The following CNTNAP2 variants were observed in gnomAD, a reference collection of about 807,000 sequenced individuals.
CNTNAP2 encodes contactin-associated protein-like 2.
In CNTNAP2, 98 loss-of-function variants were observed where a neutral mutation model predicts 155.2. That is an observed-to-expected ratio of 0.63 (90% CI 0.54 to 0.75). The LOEUF (loss-of-function observed/expected upper bound fraction) is 0.75, where lower values mean the gene tolerates loss of function less well. Among genes scored for constraint, CNTNAP2 ranks in the 30% least tolerant of loss-of-function variants. The pLI is 0.00. For synonymous variants in CNTNAP2, 651 were observed against 631.2 expected (o/e 1.03, Z -0.47); for missense variants, 1,727 against 1,688.1 (o/e 1.02, Z -0.40).
chr7:147,863,238 G>T (rs778055316), intron 13 of CNTNAP2, among the ~76,000 whole-genome samples: 6 of 152,008 alleles, frequency 3.9e-5, no homozygotes, highest in Non-Finnish European at 5.9e-5. Flanking sequence ...GCTTCTCCAC[G>T]GCCCTGCAAA....
At chr7:147,676,848 T>C (rs1795876391) in intron 13 of CNTNAP2, among the ~76,000 whole-genome samples, 1 of 151,968 alleles carries the variant, frequency 6.6e-6, no homozygotes, top group South Asian at 2.1e-4. Flanking sequence ...GATTTCCTCC[T>C]TTTTCATGGC....
Position 148,206,712 on chromosome 7 carries a change from G to T in CNTNAP2, c.3011-10576G>T, listed in dbSNP as rs144856979. ...ATCAGATCAGGACTCCTGGGAGTTT[G>T]CTCCAGCCATGGTTTTTTCCAAAAA... On this transcript the variant is annotated intron_variant, in intron 18 of 23. Coordinates refer to ENST00000361727, the MANE Select transcript of CNTNAP2 (RefSeq NM_014141.6). Among the ~76,000 whole-genome samples, 409 of 152,306 alleles carry T rather than the reference G, an allele frequency of 2.7e-3. 1 individual carries two copies. Among genetic ancestry groups the T allele is most frequent in the African/African-American group, 9.1e-3 (377 of 41,564 alleles).
At chr7:146,965,004 C>T (rs568985043) in intron 3 of CNTNAP2, among the ~76,000 whole-genome samples, 2 of 152,218 alleles carry the variant, frequency 1.3e-5, no homozygotes, top group Non-Finnish European at 1.5e-5. Flanking sequence ...CTACTCCCCT[C>T]CTGGAGCTTA....
intron 13 of CNTNAP2, among the ~76,000 whole-genome samples, chr7:147,692,685 A>G (rs745347983): frequency 1.3e-5 from 2 of 151,924 alleles, no homozygotes; most frequent in Non-Finnish European, 2.9e-5. Context: ...ACCATTTTTA[A>G]TTGAGTTGTT....
At position 148,128,517 on chromosome 7, in the gene CNTNAP2, A is replaced by G. The variant is rs565708712; in HGVS notation, c.2554+10229A>G. Among the ~76,000 whole-genome samples, 9 of 152,338 alleles carry G rather than the reference A, an allele frequency of 5.9e-5. No homozygotes were observed. The South Asian group carries it at 6.2e-4, about 11-fold the overall frequency. ...TGTGCTATATTAAAGCTTTTCATAT[A>G]ATAGCTTTTTGTTCTTAATAAATAT... On this transcript the variant is annotated intron_variant, in intron 16 of 23. Coordinates refer to ENST00000361727, the MANE Select transcript of CNTNAP2 (RefSeq NM_014141.6).
intron 11 of CNTNAP2, among the ~76,000 whole-genome samples, chr7:147,498,233 A>G (rs1324657303): frequency 6.6e-6 from 1 of 152,106 alleles, no homozygotes; most frequent in African/African-American, 2.4e-5. Flanking sequence ...ATTAGCCACA[A>G]GGCCAGTCAT....
rs116858112 is a variant in CNTNAP2 at position 148,239,753 on chromosome 7, T to C, written c.3381+9974T>C. ...CCAGTACCTTCAAACCAGCTTGAAG[T>C]TTTAAACTCAGGCCACCTCCACACT... On this transcript the variant is annotated intron_variant, in intron 20 of 23. Transcript: ENST00000361727. Among the ~76,000 whole-genome samples the C allele has an allele frequency of 2.0e-3, 308 of 152,180 alleles. 2 individuals are homozygous for C. The highest frequency in any genetic ancestry group is 3.7e-3 in the Non-Finnish European group (252 of 67,994).
chr7:146,144,211 G>T (rs1369998936), intron 1 of CNTNAP2, among the ~76,000 whole-genome samples: 2 of 152,092 alleles, frequency 1.3e-5, no homozygotes, highest in Non-Finnish European at 2.9e-5. Flanking sequence ...GAGTGCAGTA[G>T]TGTGATCTCA....
chr7:146,557,426 A>C (rs1247409773), intron 1 of CNTNAP2, among the ~76,000 whole-genome samples: 1 of 152,078 alleles, frequency 6.6e-6, no homozygotes, highest in Non-Finnish European at 1.5e-5. Context: ...GTATTCTCTA[A>C]GGTCTTTCCA....
chr7:148,301,999 A>G (rs1005065779), intron 21 of CNTNAP2, among the ~76,000 whole-genome samples: 22 of 152,236 alleles, frequency 1.4e-4, no homozygotes, highest in African/African-American at 5.1e-4. Context: ...AGACGGAAGC[A>G]CAGCCTAGCT....
At chr7:146,615,723 CT>C (rs1799213154) in intron 1 of CNTNAP2, among the ~76,000 whole-genome samples, 1 of 152,176 alleles carries the variant, frequency 6.6e-6, no homozygotes, top group Admixed American at 6.5e-5. Context: ...TGACTGGCAG[CT>C]TTGTGGATCA....
intron 3 of CNTNAP2, among the ~76,000 whole-genome samples, chr7:146,855,511 T>G (rs1794956701): frequency 6.6e-6 from 1 of 151,988 alleles, no homozygotes; most frequent in Non-Finnish European, 1.5e-5. Flanking sequence ...AGAAAACCGA[T>G]AAAATATAAG....
chr7:146,970,818 C>A (rs1185739987), intron 3 of CNTNAP2, among the ~76,000 whole-genome samples: 1 of 152,102 alleles, frequency 6.6e-6, no homozygotes, highest in Non-Finnish European at 1.5e-5. Flanking sequence ...ACCCAAATGT[C>A]CAACAATGAT....
chr7:147,701,488 G>T (rs1796235484), intron 13 of CNTNAP2, among the ~76,000 whole-genome samples: 1 of 152,146 alleles, frequency 6.6e-6, no homozygotes, highest in Non-Finnish European at 1.5e-5. Context: ...TTCGCTGGGT[G>T]ACTTGTCATT....
Position 148,092,879 on chromosome 7 carries a change from T to TAA in CNTNAP2, c.2384-25220_2384-25219dup, listed in dbSNP as rs11321148. Among the ~76,000 whole-genome samples, 658 of 122,684 alleles carry TAA rather than the reference T, an allele frequency of 5.4e-3. 3 individuals carry two copies. The highest frequency in any genetic ancestry group is 0.015 in the African/African-American group (516 of 34,202). The allele number at this position is 122,684 out of a possible 152,430, so 80.5% of individuals were successfully genotyped here. On this transcript the variant is annotated intron_variant, in intron 15 of 23. Coordinates refer to ENST00000361727, the MANE Select transcript of CNTNAP2 (RefSeq NM_014141.6). The stretch of plus-strand genomic sequence containing the variant: ...AGAAGAAAGACACACAGTCTCAATT[T>TAA]AAAAAAAAAAAAAAAAAAAACAACC...
rs527241563 is a variant in CNTNAP2 at position 146,306,057 on chromosome 7, A to G, written c.97+189084A>G. 2.8e-4 allele frequency among the ~76,000 whole-genome samples: 43 copies of G among 152,286 alleles called. 1 individual carries two copies. The highest frequency in any genetic ancestry group is 3.4e-3 in the Middle Eastern group (1 of 294). The stretch of plus-strand genomic sequence containing the variant: ...CAAATAGACGCAATAAAAAATTATA[A>G]AGGCGATATCACCACCAATCCCACA... On this transcript the variant is annotated intron_variant, in intron 1 of 23. Coordinates refer to ENST00000361727, the MANE Select transcript of CNTNAP2 (RefSeq NM_014141.6).
chr7:146,908,103 A>G (rs1327767190), intron 3 of CNTNAP2, among the ~76,000 whole-genome samples: 28 of 152,276 alleles, frequency 1.8e-4, no homozygotes, highest in Non-Finnish European at 3.5e-4. Context: ...AGAGCTAACT[A>G]TCCTAAATAT....
intron 4 of CNTNAP2, among the ~76,000 whole-genome samples, chr7:147,077,883 GAT>G (rs1172847761): frequency 3.9e-5 from 6 of 152,106 alleles, no homozygotes; most frequent in Non-Finnish European, 8.8e-5. Context: ...TAGGCTTCAA[GAT>G]ACACAGATTA....
intron 1 of CNTNAP2, among the ~76,000 whole-genome samples, chr7:146,421,293 C>T (rs893223063): frequency 1.3e-5 from 2 of 151,972 alleles, no homozygotes; most frequent in East Asian, 1.9e-4. Context: ...AGTTGGCTAT[C>T]AATTGTTTTA....
Sources: allele counts gnomAD v4.1 joint callset (sites outside exome capture counted in the v4.1 genomes callset), GRCh38; gene constraint gnomAD v4.1.1; transcripts MANE v1.5; gene names NCBI Gene and HGNC (gene_info 2026-07-23, HGNC 2026-07-21).